The following PARD3 variants were observed in gnomAD, a reference collection of about 807,000 sequenced individuals.
PARD3 encodes the protein par-3 family cell polarity regulator.
Under a neutral mutation model 155.4 loss-of-function variants are expected in PARD3, and 75 were observed. The ratio of observed to expected loss-of-function variants is 0.48; its 90% CI spans 0.40 to 0.58. The LOEUF is 0.58. Ranked by LOEUF, PARD3 falls within the 20% of genes least tolerant of loss-of-function variation. PARD3 has a pLI of 0.00. For missense variants in PARD3, 1,642 were observed against 1,721.7 expected, an observed-to-expected ratio of 0.95 and a Z score of 0.82; for synonymous variants, 576 against 610.5, an observed-to-expected ratio of 0.94 and a Z score of 0.83.
intron 22 of PARD3, among the ~76,000 whole-genome samples, chr10:34,231,915 T>C (rs1464525956): frequency 6.6e-6 from 1 of 152,084 alleles, no homozygotes; most frequent in Non-Finnish European, 1.5e-5. Flanking sequence ...AAATAGCACT[T>C]TGACCAAGAA....
chr10:34,348,722 C>A (rs1438230443), intron 14 of PARD3, among the ~76,000 whole-genome samples: 3 of 152,020 alleles, frequency 2.0e-5, no homozygotes, highest in Admixed American at 6.5e-5. Context: ...TGTTTAAGTA[C>A]AAGATAGTAG....
chr10:34,487,587 C>T (rs989436607), intron 3 of PARD3, among the ~76,000 whole-genome samples: 1 of 150,742 alleles, frequency 6.6e-6, no homozygotes, highest in Non-Finnish European at 1.5e-5. Flanking sequence ...AAAGAATTGC[C>T]GCTTCAAATA....
intron 20 of PARD3, among the ~76,000 whole-genome samples, chr10:34,301,363 C>T (rs754342008): frequency 3.3e-5 from 5 of 152,196 alleles, no homozygotes; most frequent in Non-Finnish European, 7.3e-5. Flanking sequence ...ATTAAAAACA[C>T]ATCCTTGCTT....
At chr10:34,609,807 C>T (rs186760900) in intron 2 of PARD3, among the ~76,000 whole-genome samples, 8 of 152,280 alleles carry the variant, frequency 5.3e-5, no homozygotes, top group African/African-American at 1.4e-4. Context: ...TCCCAAAGTG[C>T]GCCCAGCCTC....
chr10:34,261,786 AAAGAAAG>A (rs1955010220), intron 22 of PARD3, among the ~76,000 whole-genome samples: 1 of 38,374 alleles, frequency 2.6e-5, no homozygotes, highest in Admixed American at 3.0e-4. Flanking sequence ...GAAAGAAAAG[AAAGAAAG>A]AAAGAAAGAA....
chr10:34,654,310 C>T (rs773903361), intron 2 of PARD3, among the ~76,000 whole-genome samples: 1 of 152,104 alleles, frequency 6.6e-6, no homozygotes, highest in Non-Finnish European at 1.5e-5. Context: ...AATGTTTTCA[C>T]CATCACAACA....
intron 3 of PARD3, among the ~76,000 whole-genome samples, chr10:34,478,913 A>G (rs2078885364): frequency 6.6e-6 from 1 of 152,178 alleles, no homozygotes; most frequent in African/African-American, 2.4e-5. Flanking sequence ...TACCATTACA[A>G]TTCTCACTCT....
Position 34,815,021 on chromosome 10 carries a change from C to G in PARD3, c.-26G>C, listed in dbSNP as rs1341392706. 7.2e-7 allele frequency: 1 copy of G among 1,391,866 alleles called. No homozygotes were observed. Among genetic ancestry groups the G allele is most frequent in the African/African-American group, 1.5e-5 (1 of 65,940 alleles). The allele number at this position is 1,391,866 out of a possible 1,614,324, so 86.2% of individuals were successfully genotyped here. A position where few individuals can be genotyped will look rare whatever the true frequency, so the allele number is the denominator to read the frequency against. On this transcript the variant is annotated 5_prime_UTR_variant, in exon 1 of 25. Coordinates refer to ENST00000374788, the MANE Select transcript of PARD3 (RefSeq NM_001184785.2). ...GCCGCCGCCGCCGCGGGCGGGCCCGCGCCCCTCGCCGAGCGCAGCCGGAGC... is the reference window on the plus strand; with the variant it reads ...GCCGCCGCCGCCGCGGGCGGGCCCGGGCCCCTCGCCGAGCGCAGCCGGAGC...
chr10:34,701,668 G>C (rs1367629357), intron 1 of PARD3, among the ~76,000 whole-genome samples: 1 of 152,064 alleles, frequency 6.6e-6, no homozygotes, highest in South Asian at 2.1e-4. Context: ...GCAGGGACAG[G>C]AGGATCACTC....
chr10:34,661,539 C>T (rs756499844), intron 2 of PARD3, among the ~76,000 whole-genome samples: 5 of 152,126 alleles, frequency 3.3e-5, no homozygotes, highest in Non-Finnish European at 7.4e-5. Flanking sequence ...ACGGGCAAAT[C>T]TATTTTCTAC....
At chr10:34,711,479 C>T (rs1171523625) in intron 1 of PARD3, among the ~76,000 whole-genome samples, 8 of 151,604 alleles carry the variant, frequency 5.3e-5, no homozygotes. Context: ...CAAGACGGTG[C>T]CACTGCACTC....
intron 1 of PARD3, among the ~76,000 whole-genome samples, chr10:34,802,791 G>A (rs1842941313): frequency 6.6e-6 from 1 of 152,052 alleles, no homozygotes; most frequent in Non-Finnish European, 1.5e-5. Context: ...ATTCTAGTGA[G>A]ACTTAATCAC....
intron 18 of PARD3, among the ~76,000 whole-genome samples, chr10:34,335,239 A>G (rs1449760340): frequency 1.3e-5 from 2 of 151,962 alleles, no homozygotes; most frequent in East Asian, 1.9e-4. Context: ...TTTACAATCT[A>G]TCTTATACTC....
At position 34,343,561 on chromosome 10, in the gene PARD3, A is replaced by G. The variant is rs559940606; in HGVS notation, c.2219-1745T>C. ...GTATTTCCACAAGATTTGAAAACCC[A>G]TATTTTCCACTTCTTAACATGCTTG... On this transcript the variant is annotated intron_variant, in intron 15 of 24. Coordinates refer to ENST00000374788, the MANE Select transcript of PARD3 (RefSeq NM_001184785.2). The G allele has an allele frequency of 2.2e-5, 22 of 985,290 alleles. No homozygotes were observed. The South Asian group carries it at 2.3e-4, about 11-fold the overall frequency. The allele number at this position is 985,290 out of a possible 1,614,324, so 61.0% of individuals were successfully genotyped here.
intron 2 of PARD3, among the ~76,000 whole-genome samples, chr10:34,529,251 C>G (rs989108284): frequency 6.6e-6 from 1 of 152,220 alleles, no homozygotes; most frequent in African/African-American, 2.4e-5. Flanking sequence ...AATCAGAACT[C>G]AAACCTGGGT....
intron 21 of PARD3, among the ~76,000 whole-genome samples, chr10:34,271,115 C>A (rs1955592196): frequency 6.6e-6 from 1 of 152,058 alleles, no homozygotes; most frequent in East Asian, 1.9e-4. Context: ...TGAATATAAT[C>A]TTTTATTGCA....
chr10:34,775,690 T>C (rs1318047065), intron 1 of PARD3, among the ~76,000 whole-genome samples: 2 of 152,172 alleles, frequency 1.3e-5, no homozygotes, highest in African/African-American at 2.4e-5. Context: ...AGATGAAGTA[T>C]TGCTATGAGA....
At chr10:34,681,453 C>T (rs530240781) in intron 2 of PARD3, among the ~76,000 whole-genome samples, 2 of 151,848 alleles carry the variant, frequency 1.3e-5, no homozygotes, top group East Asian at 3.9e-4. Context: ...CTGAACACAC[C>T]TCCTAATTTA....
chr10:34,465,330 G>A lies in PARD3; in HGVS notation c.582+4755C>T, dbSNP rs1017242349. Among the ~76,000 whole-genome samples, 6 of 152,028 alleles carry A rather than the reference G, an allele frequency of 3.9e-5. No homozygotes were observed. In the South Asian group the frequency reaches 1.0e-3, roughly 26 times the overall value. ...GTATTACTATCAGGGAAAAAAAAGG[G>A]GGTTGGGGAACCTTGAAAAATACTT... On this transcript the variant is annotated intron_variant, in intron 4 of 24. Transcript: ENST00000374788.
Sources: allele counts gnomAD v4.1 joint callset (sites outside exome capture counted in the v4.1 genomes callset), GRCh38; gene constraint gnomAD v4.1.1; transcripts MANE v1.5; gene names NCBI Gene and HGNC (gene_info 2026-07-23, HGNC 2026-07-21).